FNBP1L: variants seen among roughly 807,000 people sequenced by gnomAD.
FNBP1L encodes formin binding protein 1 like.
FNBP1L carries 36 observed loss-of-function variants against 91.2 expected under a neutral mutation model. That is an observed-to-expected ratio of 0.39 (90% CI 0.30 to 0.52). The LOEUF is 0.52. Ranked by LOEUF, FNBP1L falls within the 20% of genes least tolerant of loss-of-function variation. The pLI, the probability that FNBP1L is intolerant of heterozygous loss-of-function variation, is 0.66. For missense variants in FNBP1L, 571 were observed against 732.1 expected (o/e 0.78, Z 2.54); for synonymous variants, 242 against 237.0 (o/e 1.02, Z -0.19).
At chr1:93,499,207 C>T (rs1292297147) in intron 1 of FNBP1L, among the ~76,000 whole-genome samples, 1 of 152,022 alleles carries the variant, frequency 6.6e-6, no homozygotes, top group Non-Finnish European at 1.5e-5. Flanking sequence ...GAAGAGTTGA[C>T]TGCAAAAAGC....
chr1:93,475,804 T>A (rs1669474107), intron 1 of FNBP1L, among the ~76,000 whole-genome samples: 1 of 152,198 alleles, frequency 6.6e-6, no homozygotes, highest in Non-Finnish European at 1.5e-5. Flanking sequence ...TTTAAGTATT[T>A]GAATTATTCT....
At chr1:93,524,183 G>T in intron 4 of FNBP1L, 78 bp from the exon 5 acceptor site, 1 of 1,222,160 alleles carries the variant, frequency 8.2e-7, no homozygotes, top group Admixed American at 3.3e-5. Flanking sequence ...AGACTTTAGT[G>T]TTTAAATGTA....
intron 1 of FNBP1L, among the ~76,000 whole-genome samples, chr1:93,459,166 T>TC (rs1389933745): frequency 6.6e-6 from 1 of 152,066 alleles, no homozygotes; most frequent in Non-Finnish European, 1.5e-5. Context: ...TCCCAGCTAC[T>TC]CCAAGAATTG....
At chr1:93,459,258 T>G (rs536665442) in intron 1 of FNBP1L, among the ~76,000 whole-genome samples, 11 of 152,282 alleles carry the variant, frequency 7.2e-5, no homozygotes, top group Non-Finnish European at 1.5e-4. Context: ...AGAGAGACTC[T>G]GTCTCACAAA....
intron 1 of FNBP1L, among the ~76,000 whole-genome samples, chr1:93,449,283 A>C (rs985666830): frequency 2.7e-5 from 4 of 150,334 alleles, no homozygotes; most frequent in African/African-American, 7.3e-5. Flanking sequence ...TCAGGTGCGG[A>C]GGGCAGTGAT....
chr1:93,538,458 A>G (rs1671917400), intron 10 of FNBP1L, among the ~76,000 whole-genome samples: 1 of 152,140 alleles, frequency 6.6e-6, no homozygotes, highest in Admixed American at 6.6e-5. Context: ...ACTCCAGAGA[A>G]GAAAGCAGTG....
At chr1:93,461,817 C>A (rs1417020166) in intron 1 of FNBP1L, among the ~76,000 whole-genome samples, 1 of 152,168 alleles carries the variant, frequency 6.6e-6, no homozygotes, top group Non-Finnish European at 1.5e-5. Flanking sequence ...TGAATTATTA[C>A]ATGGGAGTTA....
chr1:93,547,004 TA>T (rs778115496), intron 13 of FNBP1L, 30 bp downstream of exon 13: 1 of 1,584,196 alleles, frequency 6.3e-7, no homozygotes, highest in Admixed American at 1.9e-5. Context: ...CTTGTCAAGA[TA>T]AATTATTTTT....
intron 10 of FNBP1L, among the ~76,000 whole-genome samples, chr1:93,538,351 T>C (rs1258132837): frequency 1.3e-5 from 2 of 152,004 alleles, no homozygotes; most frequent in African/African-American, 4.8e-5. Flanking sequence ...ATTATAGATA[T>C]TCATAAGTTA....
intron 10 of FNBP1L, among the ~76,000 whole-genome samples, chr1:93,538,413 T>G (rs942362033): frequency 1.3e-5 from 2 of 152,090 alleles, no homozygotes; most frequent in Non-Finnish European, 2.9e-5. Flanking sequence ...TTTAGAAGGC[T>G]GAAATCCCCT....
intron 2 of FNBP1L, among the ~76,000 whole-genome samples, chr1:93,518,312 C>G (rs1228708693): frequency 1.3e-5 from 2 of 152,064 alleles, no homozygotes; most frequent in Non-Finnish European, 2.9e-5. Flanking sequence ...TTGGTCTTTC[C>G]CCTTATGGTT....
chr1:93,466,777 A>G lies in FNBP1L; in HGVS notation c.24+18472A>G, dbSNP rs11164933. 6.1e-3 allele frequency among the ~76,000 whole-genome samples: 936 copies of G among 152,222 alleles called. 13 individuals carry two copies. The highest frequency in any genetic ancestry group is 0.021 in the African/African-American group (876 of 41,532). ...GCTTGATGGGGATGGCATTGAATCT[A>G]TAAATTACTTTGGGCAGTATGGCCA... is the stretch of plus-strand genomic sequence containing the variant. On this transcript the variant is annotated intron_variant, in intron 1 of 16. Transcript: ENST00000271234.
At chr1:93,510,730 C>T (rs1190987942) in intron 2 of FNBP1L, among the ~76,000 whole-genome samples, 2 of 151,968 alleles carry the variant, frequency 1.3e-5, no homozygotes, top group East Asian at 1.9e-4. Context: ...GAATGTATAA[C>T]TAGAATAACC....
chr1:93,457,876 C>T (rs2101685071), intron 1 of FNBP1L, among the ~76,000 whole-genome samples: 1 of 152,048 alleles, frequency 6.6e-6, no homozygotes, highest in African/African-American at 2.4e-5. Context: ...ACTGCAAGCT[C>T]TGCCTCCTGG....
chr1:93,523,001 CCAAG>C (rs1671379951), intron 3 of FNBP1L, among the ~76,000 whole-genome samples: 2 of 152,140 alleles, frequency 1.3e-5, no homozygotes, highest in South Asian at 4.1e-4. Context: ...GGTTCAGCTA[CCAAG>C]CCTAGGAATC....
intron 1 of FNBP1L, among the ~76,000 whole-genome samples, chr1:93,489,161 A>G (rs995118291): frequency 6.6e-6 from 1 of 152,210 alleles, no homozygotes; most frequent in Admixed American, 6.5e-5. Flanking sequence ...AAATCTAACC[A>G]TAAATCAGGG....
intron 1 of FNBP1L, among the ~76,000 whole-genome samples, chr1:93,486,938 C>T (rs1244328684): frequency 6.6e-6 from 1 of 152,188 alleles, no homozygotes; most frequent in African/African-American, 2.4e-5. Context: ...CCCCACTCTT[C>T]TCTTTAGCTA....
Position 93,552,793 on chromosome 1 carries a change from C to T in FNBP1L, c.*377C>T, listed in dbSNP as rs1461256138. On this transcript the variant is annotated 3_prime_UTR_variant, in exon 17 of 17. Transcript: ENST00000271234. ...AGCTCTGTTTTAATTGGCTTTTAGA[C>T]CCACTATCTGTCAGATCCTTGCCAT... 2 of 183,206 alleles carry T rather than the reference C, an allele frequency of 1.1e-5. No homozygotes were observed. Among genetic ancestry groups the T allele is most frequent in the Non-Finnish European group, 2.2e-5 (2 of 88,944 alleles). 11.3% of individuals were successfully genotyped at this position (183,206 alleles called of 1,614,324 possible). A position where few individuals can be genotyped will look rare whatever the true frequency, so the allele number is the denominator to read the frequency against.
chr1:93,500,639 T>C (rs551255747), intron 2 of FNBP1L, among the ~76,000 whole-genome samples: 9 of 152,286 alleles, frequency 5.9e-5, no homozygotes, highest in Non-Finnish European at 1.2e-4. Flanking sequence ...TACTGACTTA[T>C]AGCTAATGAT....
Sources: allele counts gnomAD v4.1 joint callset (sites outside exome capture counted in the v4.1 genomes callset), GRCh38; gene constraint gnomAD v4.1.1; transcripts MANE v1.5; gene names NCBI Gene and HGNC (gene_info 2026-07-23, HGNC 2026-07-21).